The following RCBTB2 variants were observed in gnomAD, a reference collection of about 807,000 sequenced individuals.
The protein encoded by RCBTB2 is RCC1 and BTB domain containing protein 2.
In RCBTB2, 55 loss-of-function variants were observed where a neutral mutation model predicts 65.4. The observed-to-expected ratio is 0.84, with a 90% CI of 0.68 to 1.05. The LOEUF (loss-of-function observed/expected upper bound fraction) is 1.05. Ranked by LOEUF, RCBTB2 falls within the 50% of genes least tolerant of loss-of-function variation. The probability of loss-of-function intolerance (pLI) is 0.00; values close to 1 mark genes in which losing one functional copy is unlikely to be tolerated. For missense variants in RCBTB2, 599 were observed against 680.1 expected, an observed-to-expected ratio of 0.88 and a Z score of 1.33; for synonymous variants, 220 against 255.2, an observed-to-expected ratio of 0.86 and a Z score of 1.31.
Position 48,524,727 on chromosome 13 carries a change from A to G in RCBTB2, c.-188T>C, listed in dbSNP as rs1046298014. ...AATCCTGTTCCTTTTAGATCCTTGT[A>G]AAGTTGTCTTCTAGAGCAAAGTTAA... On this transcript the variant is annotated 5_prime_UTR_variant, in exon 2 of 15. Coordinates refer to ENST00000344532, the MANE Select transcript of RCBTB2 (RefSeq NM_001268.4). 1 of 152,236 alleles carries G rather than the reference A, an allele frequency of 6.6e-6. No homozygotes were observed. Among genetic ancestry groups the G allele is most frequent in the African/African-American group, 2.4e-5 (1 of 41,470 alleles). 9.4% of individuals were successfully genotyped at this position (152,236 alleles called of 1,614,324 possible).
At chr13:48,522,544 A>G in intron 2 of RCBTB2, 141 bp from the exon 3 acceptor site, 1 of 589,950 alleles carries the variant, frequency 1.7e-6, no homozygotes. Flanking sequence ...TCTTGCCTTA[A>G]TAACCATGCC....
intron 4 of RCBTB2, among the ~76,000 whole-genome samples, chr13:48,519,642 AG>A (rs1053960892): frequency 3.3e-5 from 5 of 152,226 alleles, no homozygotes; most frequent in Non-Finnish European, 5.9e-5. Context: ...TCATTGACTA[AG>A]GTACAAAAAT....
chr13:48,520,703 T>C (rs983460033), intron 4 of RCBTB2, among the ~76,000 whole-genome samples: 5 of 152,254 alleles, frequency 3.3e-5, no homozygotes, highest in African/African-American at 1.2e-4. Context: ...TGTATAACTA[T>C]GCTTCTCCAG....
At position 48,532,954 on chromosome 13, in the gene RCBTB2, G is replaced by T. The variant is rs180691951; in HGVS notation, c.-219+74C>A. On this transcript the variant is annotated intron_variant, in intron 1 of 14. Coordinates refer to ENST00000344532, the MANE Select transcript of RCBTB2 (RefSeq NM_001268.4). ...GGGCGGGGAGGGGTGGCCTGCCCCA[G>T]TGGTACCTGACAGCATCCCACGTCA... The T allele has an allele frequency of 5.9e-4, 267 of 455,054 alleles. 3 individuals carry two copies. In the East Asian group the frequency reaches 0.016, roughly 28 times the overall value. The allele number at this position is 455,054 out of a possible 1,614,324, so 28.2% of individuals were successfully genotyped here.
chr13:48,516,288 G>A (rs917568537), intron 4 of RCBTB2, among the ~76,000 whole-genome samples: 36 of 152,212 alleles, frequency 2.4e-4, no homozygotes, highest in African/African-American at 8.7e-4. Context: ...TTTGGGGGTT[G>A]ACAGGAATTA....
At chr13:48,516,782 A>C (rs1471449223) in intron 4 of RCBTB2, among the ~76,000 whole-genome samples, 1 of 152,184 alleles carries the variant, frequency 6.6e-6, no homozygotes, top group African/African-American at 2.4e-5. Context: ...GGAAGTTATA[A>C]ATTTGTTTGA....
At chr13:48,535,575 C>T (rs1952352786), upstream of RCBTB2, 3 of 436,408 alleles carry the variant, frequency 6.9e-6, no homozygotes, top group Non-Finnish European at 1.4e-5. Flanking sequence ...ATTCTTGAAT[C>T]TATTTCAGCC....
chr13:48,513,759 A>T (rs141149048), intron 6 of RCBTB2, among the ~76,000 whole-genome samples: 195 of 152,320 alleles, frequency 1.3e-3, no homozygotes, highest in African/African-American at 4.5e-3. Context: ...TTGGTGTCTG[A>T]TAATTTTAAT....
intron 14 of RCBTB2, among the ~76,000 whole-genome samples, chr13:48,491,182 TAC>T (rs1470566133): frequency 5.3e-5 from 8 of 152,152 alleles, no homozygotes; most frequent in African/African-American, 1.7e-4. Flanking sequence ...ATATGAACAT[TAC>T]ACACGATAGT....
chr13:48,504,484 C>G, intron 10 of RCBTB2: 1 of 332,768 alleles, frequency 3.0e-6, no homozygotes, highest in Non-Finnish European at 4.3e-6. Context: ...AAACCCTACC[C>G]ATCTTGTAAG....
intron 1 of RCBTB2, among the ~76,000 whole-genome samples, chr13:48,531,310 T>G (rs931033539): frequency 6.6e-6 from 1 of 152,192 alleles, no homozygotes; most frequent in Non-Finnish European, 1.5e-5. Flanking sequence ...CCAATTTTAT[T>G]TCTACAATTA....
Position 48,490,207 on chromosome 13 carries a change from A to G in RCBTB2, c.1560T>C (p.Thr520=). The G allele has an allele frequency of 6.2e-7, 1 of 1,613,706 alleles. No individual in the cohort carries two copies. Among genetic ancestry groups the G allele is most frequent in the Non-Finnish European group, 8.5e-7 (1 of 1,179,572 alleles). The change falls in exon 15 of 15, where the codon ACT becomes ACC. Residue 520 remains threonine, a synonymous_variant. Transcript: ENST00000344532. ...CAAAACCTGATGTTTGTGTTACTAC[A>G]GTCAGATGGTTTATGCAAAACCTGA... ...FCFRFCINHL[T]VVTQTSGFAE...
chr13:48,491,595 T>TAG (rs1474566509), intron 14 of RCBTB2: 5 of 152,202 alleles, frequency 3.3e-5, no homozygotes, highest in African/African-American at 1.2e-4. Context: ...TGAAACCAGA[T>TAG]AGAGATGCAT....
upstream of RCBTB2, among the ~76,000 whole-genome samples, chr13:48,533,514 G>A (rs1199217316): frequency 1.3e-5 from 2 of 152,146 alleles, no homozygotes; most frequent in African/African-American, 2.4e-5. Context: ...CCCTCTATCT[G>A]GGGGCTCCGA....
intron 13 of RCBTB2, 111 bp downstream of exon 13, chr13:48,499,510 A>G: frequency 8.7e-7 from 1 of 1,148,510 alleles, no homozygotes; most frequent in South Asian, 1.5e-5. Context: ...CACACACAAA[A>G]AGAAATACTT....
intron 11 of RCBTB2, 56 bp from the exon 12 acceptor site, chr13:48,501,924 G>C (rs1950255178): frequency 9.0e-6 from 14 of 1,548,152 alleles, no homozygotes; most frequent in Non-Finnish European, 1.2e-5. Flanking sequence ...TGAACACACA[G>C]GACAGGATAT....
chr13:48,523,627 A>C (rs1366134068), intron 2 of RCBTB2, among the ~76,000 whole-genome samples: 1 of 152,172 alleles, frequency 6.6e-6, no homozygotes, highest in African/African-American at 2.4e-5. Context: ...ACTGGAATAA[A>C]AAATAAAAGG....
chr13:48,527,396 T>TATGATATA (rs71076027), intron 1 of RCBTB2, among the ~76,000 whole-genome samples: 3 of 137,868 alleles, frequency 2.2e-5, no homozygotes, highest in Non-Finnish European at 3.0e-5. Flanking sequence ...TATATTTATA[T>TATGATATA]TAAAAGGTGC....
Position 48,512,737 on chromosome 13 carries a change from C to T in RCBTB2, c.508G>A (p.Asp170Asn). 1 of 1,613,772 alleles carries T rather than the reference C, an allele frequency of 6.2e-7. No homozygotes were observed. The highest frequency in any genetic ancestry group is 8.5e-7 in the Non-Finnish European group (1 of 1,179,740). Reference sequence around the variant, plus strand: ...ATGCTGACTGTTCTCACCTCTCCATCAGATGTTAGCACCAAAGAATGGTAA... The same window carrying T: ...ATGCTGACTGTTCTCACCTCTCCATTAGATGTTAGCACCAAAGAATGGTAA... ...GSYHSLVLTS[D>N]GEVFAWGYNN... The change falls in exon 7 of 15, where the codon GAT becomes AAT. Residue 170 changes from aspartate (D) to asparagine (N), a missense_variant. Physicochemically the swap from Asp to Asn is conservative, Grantham distance 23 (BLOSUM62 1). Coordinates refer to ENST00000344532, the MANE Select transcript of RCBTB2 (RefSeq NM_001268.4).
Sources: gnomAD v4.1 joint callset for allele counts (sites outside exome capture counted in the v4.1 genomes callset) on GRCh38, gnomAD v4.1.1 for gene constraint, MANE v1.5 for transcripts, NCBI Gene and HGNC (gene_info 2026-07-23, HGNC 2026-07-21) for gene names.